DTNB: variants seen among roughly 807,000 people sequenced by gnomAD.
DTNB encodes the protein DTN-B.
Under a neutral mutation model 90.7 loss-of-function variants are expected in DTNB, and 63 were observed. The observed-to-expected ratio is 0.69, with a 90% CI of 0.57 to 0.86. The LOEUF (loss-of-function observed/expected upper bound fraction) is 0.86, where lower values mean the gene tolerates loss of function less well. Ranked by LOEUF, DTNB falls within the 40% of genes least tolerant of loss-of-function variation. The probability of loss-of-function intolerance (pLI) is 0.00; values close to 1 mark genes in which losing one functional copy is unlikely to be tolerated. For missense variants in DTNB, 744 were observed against 807.1 expected (o/e 0.92, Z 0.95); for synonymous variants, 277 against 286.7 (o/e 0.97, Z 0.34).
At chr2:25,508,929 T>C (rs1438290825) in intron 9 of DTNB, among the ~76,000 whole-genome samples, 1 of 152,250 alleles carries the variant, frequency 6.6e-6, no homozygotes, top group Non-Finnish European at 1.5e-5. Context: ...CTCAATGCTA[T>C]TATAAATGGT....
intron 8 of DTNB, among the ~76,000 whole-genome samples, chr2:25,567,425 T>G (rs1435696877): frequency 6.6e-6 from 1 of 152,200 alleles, no homozygotes; most frequent in Non-Finnish European, 1.5e-5. Context: ...ATGGCTTACT[T>G]TTGCTATCAC....
chr2:25,408,792 C>T (rs2045918614), intron 16 of DTNB, among the ~76,000 whole-genome samples: 2 of 152,154 alleles, frequency 1.3e-5, no homozygotes, highest in African/African-American at 2.4e-5. Context: ...CGCTCCAAAC[C>T]TTAGCACTAT....
At chr2:25,501,608 C>T (rs2070735311) in intron 9 of DTNB, among the ~76,000 whole-genome samples, 3 of 152,118 alleles carry the variant, frequency 2.0e-5, no homozygotes, top group Admixed American at 2.0e-4. Context: ...AACTTCTGAC[C>T]TCAAGAGATC....
chr2:25,579,805 T>C (rs2061280834), intron 7 of DTNB, among the ~76,000 whole-genome samples: 1 of 152,044 alleles, frequency 6.6e-6, no homozygotes, highest in South Asian at 2.1e-4. Flanking sequence ...GCAGTTGATA[T>C]AGCATATATA....
rs115133308 is a variant in DTNB at position 25,639,555 on chromosome 2, C to T, written c.68-461G>A. Among the ~76,000 whole-genome samples the T allele has an allele frequency of 6.0e-3, 903 of 150,616 alleles. 7 individuals are homozygous for T. The highest frequency in any genetic ancestry group is 0.021 in the African/African-American group (860 of 40,970). ...TCATTTGGGAAATGAGGGAACGGAC[C>T]GGTTGCCTGAAAGGTCCCCTTCCAG... is the stretch of plus-strand genomic sequence containing the variant. On this transcript the variant is annotated intron_variant, in intron 2 of 20. Transcript: ENST00000406818.
Position 25,483,646 on chromosome 2 carries a change from G to A in DTNB, c.1002-773C>T, listed in dbSNP as rs938624170. Among the ~76,000 whole-genome samples, 6 of 152,154 alleles carry A rather than the reference G, an allele frequency of 3.9e-5. No individual in the cohort carries two copies. In the East Asian group the frequency reaches 1.2e-3, roughly 29 times the overall value. On this transcript the variant is annotated intron_variant, in intron 9 of 20. Coordinates refer to ENST00000406818, the MANE Select transcript of DTNB (RefSeq NM_021907.5). ...CATTTCTCCTTCTTGTGAAAGTCCT[G>A]AAGGAATGAATTCAAGCTTCTCAAA...
At chr2:25,474,815 T>C (rs563574064) in intron 10 of DTNB, among the ~76,000 whole-genome samples, 3 of 152,350 alleles carry the variant, frequency 2.0e-5, no homozygotes, top group East Asian at 3.9e-4. Flanking sequence ...TTGGTAATTC[T>C]GGCAATGCTT....
In DTNB at chr2:25,387,086, T is replaced by C. The variant is rs1034344504; in HGVS notation, c.1825+203A>G. 1.1e-5 allele frequency: 6 copies of C among 549,358 alleles called. No individual in the cohort carries two copies. The African/African-American group carries it at 1.1e-4, about 10-fold the overall frequency. The allele number at this position is 549,358 out of a possible 1,614,324, so 34.0% of individuals were successfully genotyped here. ...GATGCACTCCTGAGATAGGCCTGAATGTGAAACCGCCCCTACGCGATCCTG... is the reference window on the plus strand; with the variant it reads ...GATGCACTCCTGAGATAGGCCTGAACGTGAAACCGCCCCTACGCGATCCTG... On this transcript the variant is annotated intron_variant, in intron 18 of 20. Transcript: ENST00000406818. The surrounding 1 kb of genome is among the most constrained non-coding windows in gnomAD (Gnocchi z 4.5).
intron 16 of DTNB, among the ~76,000 whole-genome samples, chr2:25,414,067 A>C (rs1485087047): frequency 6.6e-6 from 1 of 152,208 alleles, no homozygotes; most frequent in Non-Finnish European, 1.5e-5. Flanking sequence ...TGTTGGCTGC[A>C]TAAATGTCTT....
chr2:25,392,438 G>A (rs1052370626), intron 16 of DTNB, among the ~76,000 whole-genome samples: 5 of 151,996 alleles, frequency 3.3e-5, no homozygotes, highest in South Asian at 4.1e-4. Flanking sequence ...GAATGAATGA[G>A]TGAGTGAATG....
chr2:25,383,832 T>TA lies in DTNB; in HGVS notation c.1879+3_1879+4insT, dbSNP rs760208216. ...AACGAGCAGTCCTGCTGAGCTGCCT[T>TA]TACCTCTGTCTTTCCCATTCTGCAT... On this transcript the variant is annotated splice_donor_region_variant and intron_variant, in intron 19 of 20. Transcript: ENST00000406818. 2 of 1,614,058 alleles carry TA rather than the reference T, an allele frequency of 1.2e-6. No homozygotes were observed. Among genetic ancestry groups the TA allele is most frequent in the Middle Eastern group, 1.6e-4 (1 of 6,062 alleles).
intron 6 of DTNB, among the ~76,000 whole-genome samples, chr2:25,589,721 A>C (rs2063191143): frequency 6.6e-6 from 1 of 152,126 alleles, no homozygotes; most frequent in East Asian, 1.9e-4. Flanking sequence ...ATTCCGTGCA[A>C]GGTGGGTTGA....
At chr2:25,669,693 G>A (rs2085364234) in intron 1 of DTNB, among the ~76,000 whole-genome samples, 4 of 152,140 alleles carry the variant, frequency 2.6e-5, no homozygotes. Context: ...TGTGATGTAA[G>A]TCCACAACCG....
rs2048754016 is a variant in DTNB, at chr2:25,419,361, T to C, written c.1575+154A>G. The C allele has an allele frequency of 1.5e-5, 19 of 1,226,118 alleles. No individual in the cohort carries two copies. In the South Asian group the frequency reaches 2.5e-4, roughly 16 times the overall value. 76.0% of individuals were successfully genotyped at this position (1,226,118 alleles called of 1,614,324 possible). ...AAACATGCCTTGAACTTTTAGGCCATTTTACAACACCATGGGGAGAACCGC... is the reference window on the plus strand; with the variant it reads ...AAACATGCCTTGAACTTTTAGGCCACTTTACAACACCATGGGGAGAACCGC... On this transcript the variant is annotated intron_variant, in intron 16 of 20. Coordinates refer to ENST00000406818, the MANE Select transcript of DTNB (RefSeq NM_021907.5).
At chr2:25,434,019 A>G in intron 12 of DTNB, 24 bp from the exon 13 acceptor site, 1 of 1,578,812 alleles carries the variant, frequency 6.3e-7, no homozygotes, top group Non-Finnish European at 8.5e-7. Flanking sequence ...GTCGGGAGAA[A>G]GTTTTTTTTT....
At chr2:25,662,681 A>ACACACACAAAC (rs35419647) in intron 1 of DTNB, among the ~76,000 whole-genome samples, 1,471 of 104,490 alleles carry the variant, frequency 0.014, 14 homozygotes, top group Non-Finnish European at 0.019. Flanking sequence ...CACACACACA[A>ACACACACAAAC]ACACACACAC....
intron 5 of DTNB, among the ~76,000 whole-genome samples, chr2:25,600,405 A>G (rs1283535245): frequency 6.6e-6 from 1 of 152,210 alleles, no homozygotes; most frequent in African/African-American, 2.4e-5. Flanking sequence ...GGGATATGGC[A>G]AACATCTTTT....
intron 8 of DTNB, among the ~76,000 whole-genome samples, chr2:25,537,128 T>A (rs2080009762): frequency 6.6e-6 from 1 of 152,194 alleles, no homozygotes; most frequent in Non-Finnish European, 1.5e-5. Context: ...ATCTTTGTAT[T>A]TGAACAAATT....
chr2:25,509,168 C>T (rs1490772348), intron 9 of DTNB, among the ~76,000 whole-genome samples: 2 of 152,160 alleles, frequency 1.3e-5, no homozygotes, highest in East Asian at 3.8e-4. Flanking sequence ...TCTCGTATTA[C>T]TGCACTAGCT....
Sources: gnomAD v4.1 joint callset for allele counts (sites outside exome capture counted in the v4.1 genomes callset) on GRCh38, gnomAD v4.1.1 for gene constraint, Gnocchi (gnomAD v3.1) non-coding constraint, MANE v1.5 for transcripts, NCBI Gene and HGNC (gene_info 2026-07-23, HGNC 2026-07-21) for gene names.